The following COL4A5 variants were observed in gnomAD, a reference collection of about 807,000 sequenced individuals.
COL4A5 encodes collagen type IV alpha 5 chain, also known as collagen alpha-5(IV) chain.
Under a neutral mutation model 130.2 loss-of-function variants are expected in COL4A5, and 26 were observed. The ratio of observed to expected loss-of-function variants is 0.20; its 90% confidence interval spans 0.15 to 0.28. The LOEUF is 0.28. Ranked by LOEUF, COL4A5 falls within the 10% of genes least tolerant of loss-of-function variation. The pLI is 1.00. For missense variants in COL4A5, 1,131 were observed against 1,344.3 expected (o/e 0.84, Z 2.48); for synonymous variants, 496 against 439.6 (o/e 1.13, Z -1.60).
intron 1 of COL4A5, among the ~76,000 whole-genome samples, chrX:108,504,980 C>G (rs28824822): frequency 1.8e-5 from 2 of 111,578 alleles, no homozygotes; most frequent in Non-Finnish European, 3.8e-5. Flanking sequence ...TGGAACCAAC[C>G]TAAGTGCCCA....
At chrX:108,584,654 G>T in intron 18 of COL4A5, 129 bp downstream of exon 18, 1 of 562,985 alleles carries the variant, frequency 1.8e-6, no homozygotes, top group Non-Finnish European at 2.9e-6. Context: ...AATTTCTACT[G>T]GCTTAAAAGT....
At chrX:108,577,408 A>G (rs1372730743) in intron 10 of COL4A5, among the ~76,000 whole-genome samples, 1 of 108,317 alleles carries the variant, frequency 9.2e-6, no homozygotes, top group East Asian at 2.9e-4. Context: ...AAAGAAAGAA[A>G]GAAATGCCAC....
intron 36 of COL4A5, among the ~76,000 whole-genome samples, chrX:108,632,483 G>A (rs1482695099): frequency 1.8e-5 from 2 of 111,071 alleles, no homozygotes; most frequent in Non-Finnish European, 3.8e-5. Flanking sequence ...CATTTTATGA[G>A]GCCGGCATCA....
intron 31 of COL4A5, among the ~76,000 whole-genome samples, 176 bp downstream of exon 31, chrX:108,620,602 G>A (rs1052901003): frequency 8.9e-6 from 1 of 111,995 alleles, no homozygotes; most frequent in African/African-American, 3.2e-5. Flanking sequence ...ATTTTTCTCT[G>A]TGAGAGTTCC....
Position 108,440,140 on chromosome X carries a change from A to T in COL4A5, c.15A>T (p.Gly5=). MKLR[G]VSLAAGLFLL... ...GCCGGAGAAGAATGAAACTGCGTGGAGTCAGCCTGGCTGCCGGCTTGTTCT... is the reference window on the plus strand; with the variant it reads ...GCCGGAGAAGAATGAAACTGCGTGGTGTCAGCCTGGCTGCCGGCTTGTTCT... The change falls in exon 1 of 53, where the codon GGA becomes GGT. Residue 5 remains glycine (G), a synonymous_variant. Coordinates refer to ENST00000328300, the MANE Select transcript of COL4A5 (RefSeq NM_033380.3). The T allele has an allele frequency of 8.3e-7, 1 of 1,208,517 alleles. No homozygotes were observed. Among genetic ancestry groups the T allele is most frequent in the Non-Finnish European group, 1.1e-6 (1 of 894,086 alleles).
chrX:108,639,421 A>C (rs2067417435), intron 36 of COL4A5, among the ~76,000 whole-genome samples: 1 of 111,723 alleles, frequency 9.0e-6, no homozygotes, highest in African/African-American at 3.2e-5. Flanking sequence ...TAAAACTATA[A>C]AACTCTTAGA....
chrX:108,442,195 G>A (rs1351966647), intron 1 of COL4A5, among the ~76,000 whole-genome samples: 1 of 111,722 alleles, frequency 9.0e-6, no homozygotes, highest in Non-Finnish European at 1.9e-5. Context: ...AGTAAAACTG[G>A]TTGGTGGTAG....
chrX:108,636,654 C>A (rs1057244236), intron 36 of COL4A5, among the ~76,000 whole-genome samples: 63 of 111,524 alleles, frequency 5.6e-4, no homozygotes, highest in African/African-American at 2.0e-3. Context: ...ACCTAACAAA[C>A]ATATACAAAA....
intron 19 of COL4A5, among the ~76,000 whole-genome samples, chrX:108,589,696 G>A (rs994135012): frequency 4.5e-5 from 5 of 111,120 alleles, no homozygotes; most frequent in African/African-American, 1.6e-4. Flanking sequence ...AGAAAATGCA[G>A]GAAAAACTTT....
intron 49 of COL4A5, chrX:108,689,284 ATTTCT>A (rs1296419384): frequency 1.4e-6 from 1 of 703,021 alleles, no homozygotes; most frequent in African/African-American, 2.3e-5. Context: ...TCTCCTATAA[ATTTCT>A]TTTTTGTTCA....
chrX:108,467,043 TG>T (rs953363948), intron 1 of COL4A5, among the ~76,000 whole-genome samples: 2 of 112,178 alleles, frequency 1.8e-5, no homozygotes, highest in African/African-American at 6.5e-5. Flanking sequence ...AAATCCAATT[TG>T]TTTTTTTTCC....
At chrX:108,607,518 C>T (rs1262779958) in intron 29 of COL4A5, among the ~76,000 whole-genome samples, 1 of 86,047 alleles carries the variant, frequency 1.2e-5, no homozygotes, top group Non-Finnish European at 2.3e-5. Context: ...GAGTCTTGCT[C>T]TGTCTCCCAG....
chrX:108,670,666 C>A, intron 42 of COL4A5: 1 of 330,318 alleles, frequency 3.0e-6, no homozygotes, highest in Non-Finnish European at 5.9e-6. Flanking sequence ...TCTTAACTTG[C>A]CATATCTTTT....
chrX:108,545,822 T>A (rs1319209842), intron 2 of COL4A5, among the ~76,000 whole-genome samples: 1 of 111,476 alleles, frequency 9.0e-6, no homozygotes, highest in Admixed American at 9.5e-5. Flanking sequence ...TTTAGGATAG[T>A]TAGCTCTTCT....
At chrX:108,686,709 G>A (rs759773795) in intron 48 of COL4A5, among the ~76,000 whole-genome samples, 41 of 111,877 alleles carry the variant, frequency 3.7e-4, no homozygotes, top group Non-Finnish European at 6.4e-4. Context: ...ATACTTTAAC[G>A]TTAAGGTTTC....
intron 36 of COL4A5, among the ~76,000 whole-genome samples, chrX:108,633,550 T>A (rs1460624552): frequency 9.0e-6 from 1 of 111,141 alleles, no homozygotes. Context: ...CTGGAATGAG[T>A]GAATTTTAAC....
At position 108,597,499 on chromosome X, in the gene COL4A5, G is replaced by T; in HGVS notation, c.1710G>T (p.Gly570=). Residue 570 remains glycine (G), a synonymous_variant, in exon 24 of 53, where the codon GGG becomes GGT. Transcript: ENST00000328300. Reference sequence around the variant, plus strand: ...AGTTGGGTTCCCCTGGAGCTCCAGGGCTTCCTGGTTTACCTGGCACTCCTG... The same window carrying T: ...AGTTGGGTTCCCCTGGAGCTCCAGGTCTTCCTGGTTTACCTGGCACTCCTG... ...KGELGSPGAP[G]LPGLPGTPGQ... 6 of 1,210,909 alleles carry T rather than the reference G, an allele frequency of 5.0e-6. No individual in the cohort carries two copies. The highest frequency in any genetic ancestry group is 4.8e-4 in the Middle Eastern group (2 of 4,195).
At chrX:108,643,890 G>A (rs141377598) in intron 36 of COL4A5, among the ~76,000 whole-genome samples, 2,789 of 111,956 alleles carry the variant, frequency 0.025, 82 homozygotes, top group African/African-American at 0.086. Context: ...CCTCACATCT[G>A]AATGCTAACA....
chrX:108,542,397 G>A (rs1441962387), intron 2 of COL4A5, among the ~76,000 whole-genome samples: 1 of 109,993 alleles, frequency 9.1e-6, no homozygotes, highest in Non-Finnish European at 1.9e-5. Context: ...TGAGAATGAT[G>A]GTTTCCAGCT....
Sources: gnomAD v4.1 joint callset for allele counts (sites outside exome capture counted in the v4.1 genomes callset) on GRCh38, gnomAD v4.1.1 for gene constraint, MANE v1.5 for transcripts, NCBI Gene and HGNC (gene_info 2026-07-23, HGNC 2026-07-21) for gene names.